Variants in KCNH7 observed in about 807,000 individuals in gnomAD.
KCNH7 encodes the protein potassium voltage-gated channel subfamily H member 7.
A neutral mutation model predicts 120.8 loss-of-function variants in KCNH7; 49 were observed. The ratio of observed to expected loss-of-function variants is 0.41; its 90% CI spans 0.32 to 0.51. KCNH7 has a LOEUF of 0.51. Among genes scored for constraint, KCNH7 ranks in the 20% least tolerant of loss-of-function variants. KCNH7 has a pLI of 0.38. For missense variants in KCNH7, 1,097 were observed against 1,446.6 expected, an observed-to-expected ratio of 0.76 and a Z score of 3.92; for synonymous variants, 547 against 516.1, an observed-to-expected ratio of 1.06 and a Z score of -0.81.
chr2:162,655,372 G>A (rs1056069148), intron 2 of KCNH7, among the ~76,000 whole-genome samples: 5 of 151,886 alleles, frequency 3.3e-5, no homozygotes, highest in African/African-American at 9.7e-5. Context: ...TTAAAGCATC[G>A]AGATTCAAAG....
At chr2:162,797,864 T>C (rs1360794673) in intron 2 of KCNH7, 1 of 152,126 alleles carries the variant, frequency 6.6e-6, no homozygotes, top group Non-Finnish European at 1.5e-5. Context: ...AAATATGGCA[T>C]GAATTCATAC....
chr2:162,483,970 T>G (rs1379810148), intron 6 of KCNH7, among the ~76,000 whole-genome samples: 1 of 152,102 alleles, frequency 6.6e-6, no homozygotes, highest in Non-Finnish European at 1.5e-5. Flanking sequence ...TGCTTTCAAA[T>G]GGAAGTGCCA....
chr2:162,741,331 A>G (rs911729855), intron 2 of KCNH7, among the ~76,000 whole-genome samples: 1 of 148,160 alleles, frequency 6.7e-6, no homozygotes, highest in African/African-American at 2.6e-5. Context: ...TTAATAACAT[A>G]TGTTATTAAT....
At chr2:162,502,970 T>A (rs958254684) in intron 6 of KCNH7, among the ~76,000 whole-genome samples, 2 of 152,120 alleles carry the variant, frequency 1.3e-5, no homozygotes, top group Non-Finnish European at 2.9e-5. Context: ...AAAGAGGTTA[T>A]CTTAAATTCT....
intron 6 of KCNH7, among the ~76,000 whole-genome samples, chr2:162,461,557 C>G (rs76495796): frequency 7.2e-5 from 11 of 152,316 alleles, no homozygotes; most frequent in Non-Finnish European, 1.5e-4. Context: ...ACCCAGCTCT[C>G]TGGTGTGACC....
intron 12 of KCNH7, among the ~76,000 whole-genome samples, chr2:162,385,371 A>G (rs1686543207): frequency 6.6e-6 from 1 of 151,950 alleles, no homozygotes; most frequent in Admixed American, 6.6e-5. Flanking sequence ...CTGCTCATGC[A>G]TTGCAAAGGT....
At chr2:162,698,293 T>A (rs1686366205) in intron 2 of KCNH7, among the ~76,000 whole-genome samples, 1 of 152,178 alleles carries the variant, frequency 6.6e-6, no homozygotes, top group African/African-American at 2.4e-5. Context: ...CCCTAGCATA[T>A]ATGATTGTGT....
chr2:162,602,918 T>A (rs568280080), intron 2 of KCNH7, among the ~76,000 whole-genome samples: 1 of 142,742 alleles, frequency 7.0e-6, no homozygotes, highest in Non-Finnish European at 1.5e-5. Context: ...AGGAGGAGGG[T>A]GAGGAGGAGG....
At chr2:162,455,502 A>G (rs1432809601) in intron 6 of KCNH7, among the ~76,000 whole-genome samples, 4 of 152,228 alleles carry the variant, frequency 2.6e-5, no homozygotes, top group Admixed American at 2.6e-4. Context: ...GAATAGTTTC[A>G]GAAGGAATAG....
intron 2 of KCNH7, among the ~76,000 whole-genome samples, chr2:162,717,341 T>C (rs546101185): frequency 6.6e-6 from 1 of 152,156 alleles, no homozygotes; most frequent in East Asian, 1.9e-4. Context: ...TTAGGTAAAT[T>C]GTATACAGAT....
intron 2 of KCNH7, among the ~76,000 whole-genome samples, chr2:162,746,585 T>A (rs953368963): frequency 6.6e-6 from 1 of 152,114 alleles, no homozygotes; most frequent in Non-Finnish European, 1.5e-5. Flanking sequence ...CAGCCCAGAT[T>A]TGTTCAAAAT....
chr2:162,731,637 A>G (rs992315065), intron 2 of KCNH7, among the ~76,000 whole-genome samples: 14 of 152,038 alleles, frequency 9.2e-5, no homozygotes, highest in African/African-American at 3.4e-4. Flanking sequence ...ATTTGCTATG[A>G]AATGTCCATG....
chr2:162,734,007 A>G (rs1687816799), intron 2 of KCNH7, among the ~76,000 whole-genome samples: 1 of 152,198 alleles, frequency 6.6e-6, no homozygotes, highest in South Asian at 2.1e-4. Context: ...TCAAATAAGT[A>G]AATTGAGGCT....
At chr2:162,551,494 T>C (rs756327577) in intron 2 of KCNH7, among the ~76,000 whole-genome samples, 18 of 152,094 alleles carry the variant, frequency 1.2e-4, no homozygotes, top group Non-Finnish European at 2.4e-4. Flanking sequence ...TGAGGGGCAC[T>C]TGAATTTCTA....
At chr2:162,591,929 T>G (rs1376995778) in intron 2 of KCNH7, among the ~76,000 whole-genome samples, 1 of 152,098 alleles carries the variant, frequency 6.6e-6, no homozygotes, top group Non-Finnish European at 1.5e-5. Flanking sequence ...TTGTTATATA[T>G]GTCCAGTTAG....
chr2:162,701,767 G>A (rs202101450), intron 2 of KCNH7, among the ~76,000 whole-genome samples: 3 of 152,102 alleles, frequency 2.0e-5, no homozygotes, highest in Admixed American at 2.0e-4. Context: ...CCAGCACTTC[G>A]GGAGGCCAAG....
At chr2:162,761,389 T>G (rs1236239734) in intron 2 of KCNH7, among the ~76,000 whole-genome samples, 1 of 152,082 alleles carries the variant, frequency 6.6e-6, no homozygotes, top group African/African-American at 2.4e-5. Flanking sequence ...CCCGAACATA[T>G]GATGAGATTA....
chr2:162,476,961 TG>T (rs2105666084), intron 6 of KCNH7, among the ~76,000 whole-genome samples: 1 of 152,330 alleles, frequency 6.6e-6, no homozygotes, highest in Non-Finnish European at 1.5e-5. Flanking sequence ...GTTGTAGCCT[TG>T]GGCATCAGAT....
chr2:162,476,101 C>G (rs1689732628), intron 6 of KCNH7, among the ~76,000 whole-genome samples: 1 of 152,204 alleles, frequency 6.6e-6, no homozygotes, highest in Non-Finnish European at 1.5e-5. Flanking sequence ...ACATTTAGAA[C>G]TCATATGAAG....
Sources: allele counts gnomAD v4.1 joint callset (sites outside exome capture counted in the v4.1 genomes callset), GRCh38; gene constraint gnomAD v4.1.1; transcripts MANE v1.5; gene names NCBI Gene and HGNC (gene_info 2026-07-23, HGNC 2026-07-21).